The following CAP1 variants were observed in gnomAD, a reference collection of about 807,000 sequenced individuals.
CAP1 encodes cyclase associated actin cytoskeleton regulatory protein 1.
Under a neutral mutation model 58.2 loss-of-function variants are expected in CAP1, and 11 were observed. The observed-to-expected ratio is 0.19, with a 90% CI of 0.12 to 0.31. The LOEUF is 0.31. Among genes scored for constraint, CAP1 ranks in the 10% least tolerant of loss-of-function variants. The pLI is 1.00. For missense variants in CAP1, 423 were observed against 587.5 expected (o/e 0.72, Z 2.89); for synonymous variants, 183 against 213.8 (o/e 0.86, Z 1.26).
chr1:40,060,724 A>G (rs72668723), intron 3 of CAP1, among the ~76,000 whole-genome samples: 7,200 of 141,976 alleles, frequency 0.051, 252 homozygotes, highest in Non-Finnish European at 0.075. Context: ...TTGGGACCCA[A>G]AAACCTTCCT....
chr1:40,064,450 C>T (rs142203693), intron 5 of CAP1, 24 bp from the exon 6 acceptor site: 19 of 1,610,866 alleles, frequency 1.2e-5, no homozygotes, highest in African/African-American at 1.1e-4. Flanking sequence ...GGTCCTGAGT[C>T]ACTGACAGCT....
At chr1:40,055,025 A>C (rs1278354398) in intron 1 of CAP1, among the ~76,000 whole-genome samples, 6 of 152,250 alleles carry the variant, frequency 3.9e-5, no homozygotes, top group African/African-American at 1.2e-4. Flanking sequence ...GTGGTAGCAC[A>C]TACTAGAAAT....
chr1:40,070,719 C>T (rs1647769663), intron 11 of CAP1, 117 bp from the exon 12 acceptor site: 14 of 970,718 alleles, frequency 1.4e-5, no homozygotes, highest in South Asian at 4.6e-5. Flanking sequence ...CAGTGTCTTG[C>T]GCATCTGTGA....
At chr1:40,050,303 G>A (rs1250730178) in intron 1 of CAP1, among the ~76,000 whole-genome samples, 1 of 135,000 alleles carries the variant, frequency 7.4e-6, no homozygotes, top group Admixed American at 7.9e-5. Flanking sequence ...TTCAGGTGCT[G>A]GTCTCTTAAT....
At chr1:40,062,823 G>A (rs564969874) in intron 4 of CAP1, among the ~76,000 whole-genome samples, 2 of 139,788 alleles carry the variant, frequency 1.4e-5, no homozygotes, top group African/African-American at 5.2e-5. Context: ...ATTCTAATAT[G>A]TAGAATTAGA....
chr1:40,057,030 G>A (rs7527715), intron 1 of CAP1, among the ~76,000 whole-genome samples: 4,291 of 152,222 alleles, frequency 0.028, 201 homozygotes, highest in African/African-American at 0.095. Flanking sequence ...AGCTTGTTTA[G>A]CAGTGAAAGC....
In CAP1 at chr1:40,071,947, A is replaced by C. The variant is rs766775239; in HGVS notation, c.*414A>C. 1 of 409,054 alleles carries C rather than the reference A, an allele frequency of 2.4e-6. No individual in the cohort carries two copies. Among genetic ancestry groups the C allele is most frequent in the Non-Finnish European group, 4.3e-6 (1 of 231,122 alleles). The allele number at this position is 409,054 out of a possible 1,614,324, so 25.3% of individuals were successfully genotyped here. On this transcript the variant is annotated 3_prime_UTR_variant, in exon 13 of 13. Coordinates refer to ENST00000372805, the MANE Select transcript of CAP1 (RefSeq NM_006367.4). ...TAACAATGAGCATGAAGGTAGCAGA[A>C]GCTGGTGTGTTTCCAGATGGTTCTT...
chr1:40,070,645 CAGA>C lies in CAP1; in HGVS notation c.1200+139_1200+141del, dbSNP rs1647742672. ...GTAAGCTGAGCTGCTTTGGACGTGGCAGAAGAAGGGTTGGCTCTTCAAGCAAGT... is the reference window on the plus strand; with the variant it reads ...GTAAGCTGAGCTGCTTTGGACGTGGCAGAAGGGTTGGCTCTTCAAGCAAGT... On this transcript the variant is annotated intron_variant, in intron 11 of 12. Transcript: ENST00000372805. 7.4e-6 allele frequency: 7 copies of C among 952,074 alleles called. No homozygotes were observed. In the East Asian group the frequency reaches 7.5e-5, roughly 10 times the overall value. 59.0% of individuals were successfully genotyped at this position (952,074 alleles called of 1,614,324 possible). A position where few individuals can be genotyped will look rare whatever the true frequency, so the allele number is the denominator to read the frequency against.
rs16826750 is a variant in CAP1 at position 40,040,753 on chromosome 1, G to C, written c.-59G>C. 3.9e-3 allele frequency: 593 copies of C among 153,126 alleles called. 15 individuals are homozygous for C. Among genetic ancestry groups the C allele is most frequent in the East Asian group, 0.036 (189 of 5,194 alleles). 9.5% of individuals were successfully genotyped at this position (153,126 alleles called of 1,614,324 possible). ...GGAGATTGCTGGGCGGTTCTTGCCG[G>C]AAGCGGAGAGCGGCTGATCGCAGTC... On this transcript the variant is annotated 5_prime_UTR_variant, in exon 1 of 13. Coordinates refer to ENST00000372805, the MANE Select transcript of CAP1 (RefSeq NM_006367.4).
chr1:40,042,704 A>G (rs1645895490), intron 1 of CAP1, among the ~76,000 whole-genome samples: 1 of 152,200 alleles, frequency 6.6e-6, no homozygotes, highest in Non-Finnish European at 1.5e-5. Context: ...CAGAAAGTTC[A>G]TTCTGTCAAG....
chr1:40,044,123 AT>A (rs1645972153), intron 1 of CAP1, among the ~76,000 whole-genome samples: 1 of 151,976 alleles, frequency 6.6e-6, no homozygotes, highest in Non-Finnish European at 1.5e-5. Flanking sequence ...ATGATCTTTT[AT>A]TCTCACCCTT....
At chr1:40,067,100 C>T (rs757118429) in intron 7 of CAP1, among the ~76,000 whole-genome samples, 2 of 151,966 alleles carry the variant, frequency 1.3e-5, no homozygotes, top group Admixed American at 6.6e-5. Context: ...TTGATAAGGT[C>T]GAAGAAGTTG....
intron 1 of CAP1, among the ~76,000 whole-genome samples, chr1:40,050,744 C>T (rs554300677): frequency 6.6e-6 from 1 of 152,226 alleles, no homozygotes; most frequent in African/African-American, 2.4e-5. Flanking sequence ...ACCTAACTTT[C>T]TAGACCCTAA....
intron 11 of CAP1, 128 bp downstream of exon 11, chr1:40,070,640 C>T (rs964853441): frequency 1.8e-5 from 17 of 970,890 alleles, no homozygotes; most frequent in African/African-American, 1.1e-4. Flanking sequence ...CTGCTTTGGA[C>T]GTGGCAGAAG....
At chr1:40,045,884 T>TG (rs1487053487) in intron 1 of CAP1, among the ~76,000 whole-genome samples, 6 of 152,004 alleles carry the variant, frequency 3.9e-5, no homozygotes, top group Admixed American at 6.6e-5. Flanking sequence ...GACAGGGTCT[T>TG]GCTATGTTGC....
Position 40,059,407 on chromosome 1 carries a change from G to A in CAP1, c.61G>A (p.Val21Ile), listed in dbSNP as rs1037631007. 1.9e-6 allele frequency: 3 copies of A among 1,613,786 alleles called. No individual in the cohort carries two copies. Among genetic ancestry groups the A allele is most frequent in the Admixed American group, 1.7e-5 (1 of 59,998 alleles). ...GAGGGCAGTGGGCCGCCTGGAGGCA[G>A]TATCTCATACCTCTGACATGCACCG... ...LERAVGRLEA[V>I]SHTSDMHRGY... Residue 21 changes from valine to isoleucine, a missense_variant, in exon 2 of 13, where the codon GTA becomes ATA. Coordinates refer to ENST00000372805, the MANE Select transcript of CAP1 (RefSeq NM_006367.4).
intron 7 of CAP1, 40 bp downstream of exon 7, chr1:40,066,360 T>G: frequency 1.1e-6 from 1 of 930,588 alleles, no homozygotes; most frequent in East Asian, 3.1e-5. Flanking sequence ...CCCTCCCACT[T>G]TCTCTCTCCA....
At chr1:40,048,066 A>G (rs1356577455) in intron 1 of CAP1, among the ~76,000 whole-genome samples, 1 of 146,930 alleles carries the variant, frequency 6.8e-6, no homozygotes, top group Non-Finnish European at 1.5e-5. Flanking sequence ...TTTTTTTTTG[A>G]GATGGTGTCT....
In CAP1 at chr1:40,070,966, A is replaced by G; in HGVS notation, c.1331A>G (p.Glu444Gly). Reference sequence around the variant, plus strand: ...GAGATGAATGTCCTCATTCCTACAGAAGGCGGTGACTTTGTAAGTTTCTTG... The same window carrying G: ...GAGATGAATGTCCTCATTCCTACAGGAGGCGGTGACTTTGTAAGTTTCTTG... ...SSEMNVLIPT[E>G]GGDFNEFPVP... Residue 444 changes from glutamate (E) to glycine (G), a missense_variant, in exon 12 of 13, where the codon GAA (glutamate) becomes GGA (glycine). Glu to Gly is a moderately conservative substitution (Grantham distance 98, BLOSUM62 -2). Coordinates refer to ENST00000372805, the MANE Select transcript of CAP1 (RefSeq NM_006367.4). The G allele has an allele frequency of 6.2e-7, 1 of 1,611,938 alleles. No individual in the cohort carries two copies. The highest frequency in any genetic ancestry group is 8.5e-7 in the Non-Finnish European group (1 of 1,179,270).
Sources: allele counts gnomAD v4.1 joint callset (sites outside exome capture counted in the v4.1 genomes callset), GRCh38; gene constraint gnomAD v4.1.1; transcripts MANE v1.5; gene names NCBI Gene and HGNC (gene_info 2026-07-23, HGNC 2026-07-21).